CTNNA3: variants seen among roughly 807,000 people sequenced by gnomAD.
CTNNA3 encodes the protein catenin alpha 3.
CTNNA3 carries 76 observed loss-of-function variants against 95.7 expected under a neutral mutation model. The ratio of observed to expected loss-of-function variants is 0.79; its 90% confidence interval spans 0.66 to 0.96. CTNNA3 has a LOEUF of 0.96. Ranked by LOEUF, CTNNA3 falls within the 40% of genes least tolerant of loss-of-function variation. The probability of loss-of-function intolerance (pLI) is 0.00; values close to 1 mark genes in which losing one functional copy is unlikely to be tolerated. For synonymous variants in CTNNA3, 431 were observed against 374.4 expected, an observed-to-expected ratio of 1.15 and a Z score of -1.74; for missense variants, 1,191 against 1,089.8, an observed-to-expected ratio of 1.09 and a Z score of -1.31.
At chr10:67,188,552 T>G (rs895949461) in intron 6 of CTNNA3, among the ~76,000 whole-genome samples, 2 of 152,184 alleles carry the variant, frequency 1.3e-5, no homozygotes, top group Non-Finnish European at 2.9e-5. Context: ...GGTAGAAATA[T>G]AAATTGATAC....
At chr10:66,133,548 A>C (rs1266007699) in intron 13 of CTNNA3, among the ~76,000 whole-genome samples, 1 of 151,712 alleles carries the variant, frequency 6.6e-6, no homozygotes, top group Non-Finnish European at 1.5e-5. Context: ...CAAAAAAAAC[A>C]GAAGAAAGAG....
intron 7 of CTNNA3, among the ~76,000 whole-genome samples, chr10:66,818,730 G>GTTT (rs113895449): frequency 6.9e-6 from 1 of 144,338 alleles, no homozygotes; most frequent in African/African-American, 2.4e-5. Flanking sequence ...GTGTTTTGTG[G>GTTT]GTTTTTTTCA....
At chr10:66,595,659 G>C (rs574197124) in intron 10 of CTNNA3, among the ~76,000 whole-genome samples, 1 of 152,052 alleles carries the variant, frequency 6.6e-6, no homozygotes, top group East Asian at 1.9e-4. Context: ...TTTTAAAAGA[G>C]ACAGTCTTAA....
intron 5 of CTNNA3, among the ~76,000 whole-genome samples, chr10:67,414,976 T>C (rs1275809488): frequency 2.0e-5 from 3 of 152,170 alleles, no homozygotes; most frequent in African/African-American, 7.2e-5. Flanking sequence ...TCCTTCATTA[T>C]AAAAATCCTC....
chr10:65,976,228 G>GT lies in CTNNA3; in HGVS notation c.2266-9483dup, dbSNP rs2078205569. On this transcript the variant is annotated intron_variant, in intron 16 of 17. Coordinates refer to ENST00000433211, the MANE Select transcript of CTNNA3 (RefSeq NM_013266.4). ...ATTAAATTGTCATTCTGATTTGTAAGTTGGTTTCTTATTGATAATCTTATT... is the reference window on the plus strand; with the variant it reads ...ATTAAATTGTCATTCTGATTTGTAAGTTTGGTTTCTTATTGATAATCTTATT... Among the ~76,000 whole-genome samples, 4 of 152,066 alleles carry GT rather than the reference G, an allele frequency of 2.6e-5. No homozygotes were observed. The South Asian group carries it at 8.3e-4, about 31-fold the overall frequency.
chr10:67,587,639 C>T (rs1239336263), intron 3 of CTNNA3, among the ~76,000 whole-genome samples: 2 of 151,982 alleles, frequency 1.3e-5, no homozygotes, highest in Non-Finnish European at 2.9e-5. Flanking sequence ...TTAGAATGTG[C>T]CTTTCACTTT....
intron 11 of CTNNA3, among the ~76,000 whole-genome samples, chr10:66,419,839 A>G (rs2132626254): frequency 6.6e-6 from 1 of 152,306 alleles, no homozygotes; most frequent in East Asian, 1.9e-4. Flanking sequence ...AGTCACAGGC[A>G]AAAGAATGAA....
chr10:66,818,892 C>G (rs113420923), intron 7 of CTNNA3, among the ~76,000 whole-genome samples: 2,623 of 152,082 alleles, frequency 0.017, 84 homozygotes, highest in African/African-American at 0.06. Flanking sequence ...GAGTTTGAGA[C>G]CAGCCTGGCC....
chr10:65,924,074 C>A (rs911043150), intron 17 of CTNNA3, among the ~76,000 whole-genome samples: 45 of 151,986 alleles, frequency 3.0e-4, no homozygotes, highest in African/African-American at 1.0e-3. Flanking sequence ...GGTAATAATC[C>A]TAATATTTAG....
At chr10:67,113,836 T>C (rs1230231527) in intron 7 of CTNNA3, among the ~76,000 whole-genome samples, 3 of 152,216 alleles carry the variant, frequency 2.0e-5, no homozygotes, top group Admixed American at 6.5e-5. Context: ...TGACAACCTA[T>C]AGACTTTTAG....
At chr10:66,877,127 T>C (rs1844656142) in intron 7 of CTNNA3, among the ~76,000 whole-genome samples, 1 of 152,096 alleles carries the variant, frequency 6.6e-6, no homozygotes, top group Admixed American at 6.6e-5. Context: ...ACTTCATGGT[T>C]GGCCAGCTTG....
chr10:67,677,924 T>C (rs1382919926), intron 1 of CTNNA3, among the ~76,000 whole-genome samples: 1 of 152,044 alleles, frequency 6.6e-6, no homozygotes, highest in East Asian at 1.9e-4. Context: ...ATAATAGGAG[T>C]AGGAGAAGAG....
chr10:67,240,633 C>A (rs1865683215), intron 5 of CTNNA3, among the ~76,000 whole-genome samples: 1 of 152,054 alleles, frequency 6.6e-6, no homozygotes, highest in East Asian at 1.9e-4. Flanking sequence ...TAAAAGAATT[C>A]TTCAAATTCA....
intron 9 of CTNNA3, among the ~76,000 whole-genome samples, chr10:66,652,720 C>T (rs1564596550): frequency 6.6e-6 from 1 of 152,044 alleles, no homozygotes; most frequent in Non-Finnish European, 1.5e-5. Flanking sequence ...TCCTGGTGAA[C>T]ATAGATACAA....
At chr10:65,922,822 G>T (rs895733887) in intron 17 of CTNNA3, among the ~76,000 whole-genome samples, 1 of 152,110 alleles carries the variant, frequency 6.6e-6, no homozygotes, top group Non-Finnish European at 1.5e-5. Context: ...TATTTATAAA[G>T]GAAAGAGGTT....
chr10:67,064,381 A>G (rs1323439736), intron 7 of CTNNA3, among the ~76,000 whole-genome samples: 1 of 152,184 alleles, frequency 6.6e-6, no homozygotes, highest in Non-Finnish European at 1.5e-5. Flanking sequence ...ATTTATTGCT[A>G]GTACTAGTGT....
At chr10:67,646,682 T>A (rs1456174859) in intron 2 of CTNNA3, among the ~76,000 whole-genome samples, 1 of 151,776 alleles carries the variant, frequency 6.6e-6, no homozygotes, top group Non-Finnish European at 1.5e-5. Flanking sequence ...GTTCTTTGAG[T>A]CCCTAGGAAA....
intron 12 of CTNNA3, among the ~76,000 whole-genome samples, chr10:66,318,284 G>GTT: frequency 6.7e-6 from 1 of 150,252 alleles, no homozygotes; most frequent in East Asian, 1.9e-4. Flanking sequence ...ATATGTGTGT[G>GTT]TGTGTGTGTG....
rs147385257 is a variant in CTNNA3, at chr10:67,299,154, T to C, written c.580-79284A>G. On this transcript the variant is annotated intron_variant, in intron 5 of 17. Coordinates refer to ENST00000433211, the MANE Select transcript of CTNNA3 (RefSeq NM_013266.4). ...CCTCATGATCCACTCGCCTTAGTTA[T>C]ATCTTTTATGGTGGTACTAATCTCT... is the stretch of plus-strand genomic sequence containing the variant. Among the ~76,000 whole-genome samples the C allele has an allele frequency of 3.9e-4, 59 of 152,142 alleles. No individual in the cohort carries two copies. In the East Asian group the frequency reaches 9.5e-3, roughly 25 times the overall value.
Sources: gnomAD v4.1 joint callset for allele counts (sites outside exome capture counted in the v4.1 genomes callset) on GRCh38, gnomAD v4.1.1 for gene constraint, MANE v1.5 for transcripts, NCBI Gene and HGNC (gene_info 2026-07-23, HGNC 2026-07-21) for gene names.